Variants in GPC5 observed in about 807,000 individuals in gnomAD.
GPC5 encodes glypican 5.
A neutral mutation model predicts 53.9 loss-of-function variants in GPC5; 47 were observed. That is an observed-to-expected ratio of 0.87 (90% CI 0.69 to 1.11). The LOEUF (loss-of-function observed/expected upper bound fraction) is 1.11. Among genes scored for constraint, GPC5 ranks in the 50% most tolerant of loss-of-function variants. The probability of loss-of-function intolerance (pLI) is 0.00; values close to 1 mark genes in which losing one functional copy is unlikely to be tolerated. For synonymous variants in GPC5, 286 were observed against 263.3 expected, an observed-to-expected ratio of 1.09 and a Z score of -0.84; for missense variants, 748 against 713.1, an observed-to-expected ratio of 1.05 and a Z score of -0.56.
At chr13:92,474,734 T>A (rs1879039308) in intron 7 of GPC5, among the ~76,000 whole-genome samples, 1 of 152,102 alleles carries the variant, frequency 6.6e-6, no homozygotes, top group Admixed American at 6.6e-5. Flanking sequence ...ATTGAGTTAC[T>A]TTGCAAAATA....
chr13:92,117,852 T>C (rs1327500543), intron 6 of GPC5, among the ~76,000 whole-genome samples: 2 of 152,186 alleles, frequency 1.3e-5, no homozygotes, highest in African/African-American at 4.8e-5. Flanking sequence ...ATAGGTTATT[T>C]TGGATATTTT....
chr13:91,655,971 C>T (rs1364029911), intron 2 of GPC5, among the ~76,000 whole-genome samples: 1 of 152,080 alleles, frequency 6.6e-6, no homozygotes, highest in Non-Finnish European at 1.5e-5. Flanking sequence ...GAAGTCACAA[C>T]AGAGGCGATG....
At chr13:92,151,451 A>C (rs2041906827) in intron 7 of GPC5, among the ~76,000 whole-genome samples, 1 of 152,106 alleles carries the variant, frequency 6.6e-6, no homozygotes, top group Admixed American at 6.5e-5. Context: ...TTAAAGCATG[A>C]TGAAATTTTT....
At chr13:92,111,803 A>G (rs1395403064) in intron 6 of GPC5, among the ~76,000 whole-genome samples, 2 of 152,358 alleles carry the variant, frequency 1.3e-5, no homozygotes, top group African/African-American at 2.4e-5. Context: ...GAAGAAATGC[A>G]TCAACATAAA....
chr13:91,862,467 G>T (rs1450759872), intron 5 of GPC5, among the ~76,000 whole-genome samples: 1 of 152,108 alleles, frequency 6.6e-6, no homozygotes, highest in African/African-American at 2.4e-5. Context: ...TTAAAGGGAA[G>T]GCATGTTGCT....
intron 2 of GPC5, among the ~76,000 whole-genome samples, chr13:91,502,006 G>A (rs1421613218): frequency 2.6e-5 from 4 of 152,208 alleles, no homozygotes; most frequent in Non-Finnish European, 5.9e-5. Context: ...GTGGTGATGA[G>A]CATTTTTTAA....
intron 1 of GPC5, among the ~76,000 whole-genome samples, chr13:91,441,285 C>A (rs1451147496): frequency 2.0e-5 from 3 of 152,154 alleles, no homozygotes. Flanking sequence ...CACTTCAGGG[C>A]AGGGAACTTG....
intron 2 of GPC5, among the ~76,000 whole-genome samples, chr13:91,608,796 G>A (rs1187114629): frequency 1.3e-5 from 2 of 151,818 alleles, no homozygotes; most frequent in Admixed American, 6.6e-5. Context: ...ATAAGATTTA[G>A]AAAGTTCCAA....
chr13:92,160,799 C>T (rs556439090), intron 7 of GPC5, among the ~76,000 whole-genome samples: 1 of 152,216 alleles, frequency 6.6e-6, no homozygotes, highest in African/African-American at 2.4e-5. Context: ...GCAAATGGGA[C>T]TGACAATAAG....
At chr13:91,933,618 C>T (rs1466532526) in intron 6 of GPC5, among the ~76,000 whole-genome samples, 1 of 151,934 alleles carries the variant, frequency 6.6e-6, no homozygotes, top group Admixed American at 6.6e-5. Context: ...TCCAAGTTTT[C>T]TCAGGTATTA....
intron 7 of GPC5, among the ~76,000 whole-genome samples, chr13:92,188,115 C>T (rs561293953): frequency 2.8e-4 from 42 of 152,172 alleles, no homozygotes; most frequent in African/African-American, 1.0e-3. Flanking sequence ...ATCATTACTG[C>T]AGGAATCTCT....
chr13:92,633,328 T>C (rs1161979845), intron 7 of GPC5, among the ~76,000 whole-genome samples: 3 of 151,618 alleles, frequency 2.0e-5, no homozygotes, highest in Non-Finnish European at 4.4e-5. Context: ...TTCCTGAAAT[T>C]TGCTCTTTGA....
chr13:92,342,202 C>T (rs1226095600), intron 7 of GPC5, among the ~76,000 whole-genome samples: 2 of 152,092 alleles, frequency 1.3e-5, no homozygotes, highest in Non-Finnish European at 2.9e-5. Context: ...CAGTTGCCTG[C>T]TTTCGGTCAT....
intron 7 of GPC5, among the ~76,000 whole-genome samples, chr13:92,467,818 A>G (rs1361297478): frequency 1.3e-5 from 2 of 152,106 alleles, no homozygotes; most frequent in Admixed American, 6.6e-5. Context: ...TATTTGTTCA[A>G]TGAAGAAGAT....
chr13:92,119,592 T>TC (rs1491011002), intron 6 of GPC5, among the ~76,000 whole-genome samples: 2 of 112,604 alleles, frequency 1.8e-5, no homozygotes, highest in Non-Finnish European at 3.6e-5. Context: ...TTTTTTTTTT[T>TC]TGTATTTTTA....
chr13:92,126,199 C>T lies in GPC5; in HGVS notation c.1402-18631C>T, dbSNP rs181058436. ...TGAACTCCTGACCTTGCGATCCACC[C>T]GCCTTGGACTCCCAAAGTGCTGGGA... On this transcript the variant is annotated intron_variant, in intron 6 of 7. Transcript: ENST00000377067. Among the ~76,000 whole-genome samples the T allele has an allele frequency of 3.6e-4, 54 of 151,982 alleles. No individual in the cohort carries two copies. The East Asian group carries it at 4.1e-3, about 11-fold the overall frequency.
intron 5 of GPC5, among the ~76,000 whole-genome samples, chr13:91,810,938 C>CAA (rs35192534): frequency 2.8e-5 from 3 of 105,760 alleles, no homozygotes; most frequent in Non-Finnish European, 4.2e-5. Flanking sequence ...TTTGTGTAAC[C>CAA]AAAAAAAAAA....
chr13:92,480,474 A>T (rs549102832), intron 7 of GPC5, among the ~76,000 whole-genome samples: 7 of 152,322 alleles, frequency 4.6e-5, no homozygotes, highest in African/African-American at 1.7e-4. Flanking sequence ...AAGTTTAAGA[A>T]GGCTTAACAA....
At chr13:92,471,661 G>GAA (rs1878918181) in intron 7 of GPC5, among the ~76,000 whole-genome samples, 1 of 152,130 alleles carries the variant, frequency 6.6e-6, no homozygotes, top group Admixed American at 6.6e-5. Context: ...GAGAGAGAAT[G>GAA]AGAGTAATTA....
Sources: allele counts gnomAD v4.1 joint callset (sites outside exome capture counted in the v4.1 genomes callset), GRCh38; gene constraint gnomAD v4.1.1; transcripts MANE v1.5; gene names NCBI Gene and HGNC (gene_info 2026-07-23, HGNC 2026-07-21).